Variants in DMD observed in about 807,000 individuals in gnomAD.
DMD encodes the protein dystrophin.
In DMD, 63 loss-of-function variants were observed where a neutral mutation model predicts 330.1. That is an observed-to-expected ratio of 0.19 (90% CI 0.16 to 0.24). DMD has a LOEUF of 0.24. Ranked by LOEUF, DMD falls within the 10% of genes least tolerant of loss-of-function variation. The probability of loss-of-function intolerance (pLI) is 1.00; values close to 1 mark genes in which losing one functional copy is unlikely to be tolerated. For missense variants in DMD, 3,344 were observed against 2,684.1 expected (o/e 1.25, Z -5.43); for synonymous variants, 1,223 against 959.8 (o/e 1.27, Z -5.07).
intron 30 of DMD, among the ~76,000 whole-genome samples, chrX:32,408,610 C>G (rs1050427056): frequency 9.0e-6 from 1 of 111,480 alleles, no homozygotes; most frequent in Non-Finnish European, 1.9e-5. Context: ...CACAAATCTG[C>G]GTGACCAGTA....
At chrX:32,332,453 G>T (rs2097685568) in intron 41 of DMD, among the ~76,000 whole-genome samples, 1 of 87,270 alleles carries the variant, frequency 1.1e-5, no homozygotes, top group Non-Finnish European at 2.2e-5. Flanking sequence ...TGGTGTATGT[G>T]CACACATGAG....
At chrX:33,045,802 A>G (rs576337635) in intron 1 of DMD, among the ~76,000 whole-genome samples, 7 of 111,798 alleles carry the variant, frequency 6.3e-5, no homozygotes, top group Non-Finnish European at 1.3e-4. Flanking sequence ...GGGACTGGGC[A>G]TGTAGATTAG....
At chrX:33,318,821 AT>A (rs1267362022) in intron 1 of DMD, among the ~76,000 whole-genome samples, 2 of 110,857 alleles carry the variant, frequency 1.8e-5, no homozygotes, top group Non-Finnish European at 3.8e-5. Flanking sequence ...AAATCCAGTG[AT>A]TCTCTTCTTA....
chrX:33,009,925 T>TTC (rs2093623023), intron 2 of DMD, among the ~76,000 whole-genome samples: 1 of 55,452 alleles, frequency 1.8e-5, no homozygotes, highest in Non-Finnish European at 3.3e-5. Flanking sequence ...TATGTGTGTA[T>TTC]ACACATGTGT....
At chrX:32,411,649 C>A in intron 30 of DMD, 103 bp downstream of exon 30, 1 of 972,595 alleles carries the variant, frequency 1.0e-6, no homozygotes, top group South Asian at 2.0e-5. Flanking sequence ...TCAAAACAAC[C>A]CCATGGAAAA....
At chrX:31,822,653 G>GGTGTGT (rs1556919105) in intron 49 of DMD, among the ~76,000 whole-genome samples, 1,841 of 65,739 alleles carry the variant, frequency 0.028, 48 homozygotes, top group Middle Eastern at 0.042. Context: ...AAGGCAGAGG[G>GGTGTGT]GTGTGTGTGT....
intron 7 of DMD, among the ~76,000 whole-genome samples, chrX:32,732,586 G>A (rs1361878961): frequency 2.7e-5 from 3 of 111,570 alleles, no homozygotes; most frequent in African/African-American, 6.5e-5. Flanking sequence ...CTACAAGCCA[G>A]AAGAGAGTGG....
intron 1 of DMD, among the ~76,000 whole-genome samples, chrX:33,188,667 A>T (rs2148775186): frequency 8.9e-6 from 1 of 111,960 alleles, no homozygotes; most frequent in East Asian, 2.8e-4. Context: ...AAGCTGTTTT[A>T]TTTGACAGGG....
intron 51 of DMD, among the ~76,000 whole-genome samples, chrX:31,754,226 C>T (rs1026274921): frequency 9.0e-6 from 1 of 111,356 alleles, no homozygotes; most frequent in African/African-American, 3.3e-5. Flanking sequence ...ATATCATCTA[C>T]CTTGGAGTTA....
intron 2 of DMD, among the ~76,000 whole-genome samples, chrX:33,006,492 G>A: frequency 1.8e-5 from 2 of 111,745 alleles, no homozygotes; most frequent in Non-Finnish European, 3.8e-5. Context: ...ATGGAGCAAA[G>A]ATAGCCTTTT....
At chrX:32,902,344 T>C (rs1431793621) in intron 2 of DMD, among the ~76,000 whole-genome samples, 9 of 110,907 alleles carry the variant, frequency 8.1e-5, no homozygotes, top group Non-Finnish European at 1.7e-4. Flanking sequence ...AAAATATTCA[T>C]GATATATTTA....
intron 60 of DMD, among the ~76,000 whole-genome samples, chrX:31,424,662 T>C (rs1418554217): frequency 8.9e-6 from 1 of 112,465 alleles, no homozygotes; most frequent in African/African-American, 3.2e-5. Context: ...ACAGAAGATA[T>C]ATTTGTCACC....
chrX:32,644,186 A>G lies in DMD; in HGVS notation c.1277T>C (p.Leu426Pro). The change falls in exon 11 of 79, where the codon CTC becomes CCC. Residue 426 changes from leucine to proline, a missense_variant. By Grantham distance (98) the Leu-to-Pro change is moderately conservative. Transcript: ENST00000357033. The part of the protein sequence containing the change: ...EETEVQEQMN[L>P]LNSRWECLRV... The stretch of plus-strand genomic sequence containing the variant: ...GAGGCATTCCCATCTTGAATTTAGG[A>G]GATTCATCTGCTCTTGTACTTCAGT... The G allele has an allele frequency of 8.3e-7, 1 of 1,210,079 alleles. No homozygotes were observed. The highest frequency in any genetic ancestry group is 1.1e-6 in the Non-Finnish European group (1 of 894,295).
chrX:31,752,752 A>G (rs1183014263), intron 51 of DMD, among the ~76,000 whole-genome samples: 1 of 111,124 alleles, frequency 9.0e-6, no homozygotes, highest in East Asian at 2.8e-4. Context: ...GGATGCAGAA[A>G]AACCATCTTC....
intron 1 of DMD, among the ~76,000 whole-genome samples, chrX:33,090,176 C>T (rs910272280): frequency 9.1e-6 from 1 of 109,852 alleles, no homozygotes; most frequent in Non-Finnish European, 1.9e-5. Flanking sequence ...TTGTTTGCTT[C>T]GACTGGCCAT....
At chrX:31,527,832 A>G (rs568312351) in intron 55 of DMD, among the ~76,000 whole-genome samples, 62 of 111,756 alleles carry the variant, frequency 5.5e-4, no homozygotes, top group African/African-American at 2.0e-3. Context: ...TCAGTTCTAT[A>G]TAGTTTTAGA....
chrX:32,222,222 G>A (rs761160357), intron 43 of DMD, among the ~76,000 whole-genome samples: 10 of 111,674 alleles, frequency 9.0e-5, no homozygotes, highest in South Asian at 3.7e-4. Flanking sequence ...CAAATGTTCC[G>A]TTTTCATCAC....
At chrX:31,188,643 A>AT (rs2042037556) in intron 67 of DMD, among the ~76,000 whole-genome samples, 1 of 111,558 alleles carries the variant, frequency 9.0e-6, no homozygotes, top group African/African-American at 3.3e-5. Flanking sequence ...CAATAACTCC[A>AT]TTTTCCCCTT....
intron 2 of DMD, among the ~76,000 whole-genome samples, chrX:32,869,987 A>G (rs1186917992): frequency 1.8e-5 from 2 of 110,927 alleles, no homozygotes; most frequent in Non-Finnish European, 3.8e-5. Context: ...AGAGAAAGAA[A>G]TCAAGGATAA....
Sources: allele counts gnomAD v4.1 joint callset (sites outside exome capture counted in the v4.1 genomes callset), GRCh38; gene constraint gnomAD v4.1.1; transcripts MANE v1.5; gene names NCBI Gene and HGNC (gene_info 2026-07-23, HGNC 2026-07-21).